Variants in MAP2 observed in about 807,000 individuals in gnomAD.
The protein encoded by MAP2 is microtubule-associated protein 2.
A neutral mutation model predicts 137.6 loss-of-function variants in MAP2; 14 were observed. That is an observed-to-expected ratio of 0.10 (90% CI 0.07 to 0.16). The LOEUF is 0.16. Among genes scored for constraint, MAP2 ranks in the 10% least tolerant of loss-of-function variants. The pLI, the probability that MAP2 is intolerant of heterozygous loss-of-function variation, is 1.00. For synonymous variants in MAP2, 786 were observed against 782.3 expected (o/e 1.00, Z -0.08); for missense variants, 2,088 against 2,191.5 (o/e 0.95, Z 0.94).
chr2:209,513,487 A>T (rs1467633307), intron 2 of MAP2, among the ~76,000 whole-genome samples: 1 of 152,162 alleles, frequency 6.6e-6, no homozygotes, highest in Non-Finnish European at 1.5e-5. Context: ...ATAACAAACA[A>T]TTATAAAATT....
At chr2:209,487,127 T>C (rs1461321189) in intron 1 of MAP2, among the ~76,000 whole-genome samples, 2 of 152,188 alleles carry the variant, frequency 1.3e-5, no homozygotes, top group Non-Finnish European at 2.9e-5. Context: ...TATACCTCTT[T>C]TGGGGATTTG....
At chr2:209,561,969 A>C (rs1253804999) in intron 2 of MAP2, among the ~76,000 whole-genome samples, 1 of 152,190 alleles carries the variant, frequency 6.6e-6, no homozygotes, top group Non-Finnish European at 1.5e-5. Context: ...GGTAGTACTG[A>C]CCATTATATA....
At chr2:209,623,831 G>T (rs567735466) in intron 3 of MAP2, among the ~76,000 whole-genome samples, 1 of 152,156 alleles carries the variant, frequency 6.6e-6, no homozygotes, top group South Asian at 2.1e-4. Context: ...TTATTACAGG[G>T]AATGGAGAAT....
At chr2:209,462,300 A>T (rs1429014020) in intron 1 of MAP2, among the ~76,000 whole-genome samples, 1 of 152,160 alleles carries the variant, frequency 6.6e-6, no homozygotes, top group Non-Finnish European at 1.5e-5. Flanking sequence ...AAAATAAAGG[A>T]GGTAAAAACA....
At chr2:209,431,833 G>C (rs987498519) in intron 1 of MAP2, among the ~76,000 whole-genome samples, 1 of 152,142 alleles carries the variant, frequency 6.6e-6, no homozygotes, top group African/African-American at 2.4e-5. Context: ...ATATAAAAGA[G>C]GGAGGGGCTC....
At chr2:209,610,415 G>T (rs1229635881) in intron 3 of MAP2, among the ~76,000 whole-genome samples, 1 of 151,618 alleles carries the variant, frequency 6.6e-6, no homozygotes, top group Admixed American at 6.6e-5. Flanking sequence ...TAGAGATAAT[G>T]CAAGCAAAAA....
intron 2 of MAP2, among the ~76,000 whole-genome samples, chr2:209,554,303 T>A (rs573868476): frequency 2.4e-4 from 37 of 152,302 alleles, no homozygotes; most frequent in African/African-American, 8.9e-4. Flanking sequence ...CCCTGTTTAT[T>A]CTGCCTGCTC....
intron 3 of MAP2, among the ~76,000 whole-genome samples, chr2:209,580,798 C>G (rs1005893358): frequency 6.6e-6 from 1 of 152,168 alleles, no homozygotes; most frequent in Admixed American, 6.6e-5. Context: ...AATTCAGCAT[C>G]AGGATATATA....
chr2:209,498,834 A>G (rs935744883), intron 1 of MAP2, among the ~76,000 whole-genome samples: 3 of 152,094 alleles, frequency 2.0e-5, no homozygotes, highest in East Asian at 1.9e-4. Flanking sequence ...GCCCACAAAA[A>G]CATTCTTCCC....
chr2:209,653,511 A>G, intron 5 of MAP2, 79 bp downstream of exon 5: 1 of 1,405,476 alleles, frequency 7.1e-7, no homozygotes, highest in Non-Finnish European at 9.5e-7. Context: ...ATTAATATAC[A>G]GCACTGATCC....
At chr2:209,474,086 A>G (rs1706522419) in intron 1 of MAP2, among the ~76,000 whole-genome samples, 1 of 152,154 alleles carries the variant, frequency 6.6e-6, no homozygotes, top group Admixed American at 6.6e-5. Context: ...TGAGGAGGCA[A>G]ACTTTAGAAG....
intron 1 of MAP2, among the ~76,000 whole-genome samples, chr2:209,440,364 T>C (rs1697455314): frequency 6.6e-6 from 1 of 151,540 alleles, no homozygotes; most frequent in Admixed American, 6.6e-5. Flanking sequence ...ACACTATCTG[T>C]TTCTCTTAAA....
At chr2:209,603,596 A>G (rs2083665515) in intron 3 of MAP2, among the ~76,000 whole-genome samples, 1 of 152,142 alleles carries the variant, frequency 6.6e-6, no homozygotes, top group Non-Finnish European at 1.5e-5. Flanking sequence ...AATAGATGTT[A>G]ATAGCTAAGA....
At chr2:209,546,445 G>T (rs1226596547) in intron 2 of MAP2, among the ~76,000 whole-genome samples, 1 of 152,184 alleles carries the variant, frequency 6.6e-6, no homozygotes, top group Non-Finnish European at 1.5e-5. Context: ...TTGTCATAGA[G>T]ATAATGTCTG....
intron 2 of MAP2, among the ~76,000 whole-genome samples, chr2:209,510,699 G>T (rs1476920115): frequency 6.6e-6 from 1 of 151,982 alleles, no homozygotes; most frequent in African/African-American, 2.4e-5. Context: ...GCTTGTAAAG[G>T]AATACTCATG....
At chr2:209,646,155 C>A (rs1302125421) in intron 4 of MAP2, among the ~76,000 whole-genome samples, 9 of 152,078 alleles carry the variant, frequency 5.9e-5, no homozygotes, top group Non-Finnish European at 1.3e-4. Flanking sequence ...GTGATTGCAT[C>A]ATTGCACTGA....
At chr2:209,459,578 C>G (rs1289827193) in intron 1 of MAP2, among the ~76,000 whole-genome samples, 1 of 152,194 alleles carries the variant, frequency 6.6e-6, no homozygotes, top group Non-Finnish European at 1.5e-5. Context: ...GTCTAGCTCT[C>G]ATACATGGGT....
intron 2 of MAP2, among the ~76,000 whole-genome samples, chr2:209,577,761 AATG>A (rs1386951748): frequency 9.9e-5 from 15 of 152,140 alleles, no homozygotes; most frequent in African/African-American, 3.6e-4. Flanking sequence ...TGAGGCCAGT[AATG>A]ATAAGAGTGC....
chr2:209,714,710 T>C lies in MAP2; in HGVS notation c.5073+4456T>C, dbSNP rs532644753. Among the ~76,000 whole-genome samples, 15 of 152,328 alleles carry C rather than the reference T, an allele frequency of 9.8e-5. No individual in the cohort carries two copies. In the South Asian group the frequency reaches 3.1e-3, roughly 32 times the overall value. On this transcript the variant is annotated intron_variant, in intron 13 of 15. Transcript: ENST00000682079. The stretch of plus-strand genomic sequence containing the variant: ...TAAAGGATATTAGATGTCAGAGATA[T>C]CCATCTCCTTCTAATCCAACCCTCA...
Sources: allele counts gnomAD v4.1 joint callset (sites outside exome capture counted in the v4.1 genomes callset), GRCh38; gene constraint gnomAD v4.1.1; transcripts MANE v1.5; gene names NCBI Gene and HGNC (gene_info 2026-07-23, HGNC 2026-07-21).